TDRD5: variants seen among roughly 807,000 people sequenced by gnomAD.
TDRD5 encodes tudor domain containing 5.
TDRD5 carries 41 observed loss-of-function variants against 120.6 expected under a neutral mutation model. The observed-to-expected ratio is 0.34, with a 90% CI of 0.26 to 0.44. The LOEUF is 0.44. Among genes scored for constraint, TDRD5 ranks in the 20% least tolerant of loss-of-function variants. The probability of loss-of-function intolerance (pLI) is 1.00; values close to 1 mark genes in which losing one functional copy is unlikely to be tolerated. For missense variants in TDRD5, 1,006 were observed against 1,221.2 expected, an observed-to-expected ratio of 0.82 and a Z score of 2.63; for synonymous variants, 430 against 433.7, an observed-to-expected ratio of 0.99 and a Z score of 0.11.
At chr1:179,688,833 G>A (rs946545026) in intron 17 of TDRD5, among the ~76,000 whole-genome samples, 1 of 152,008 alleles carries the variant, frequency 6.6e-6, no homozygotes, top group East Asian at 1.9e-4. Context: ...CCAGTTGATC[G>A]AATCAGCTAC....
At chr1:179,644,013 A>G (rs1009209619) in intron 11 of TDRD5, among the ~76,000 whole-genome samples, 4 of 152,218 alleles carry the variant, frequency 2.6e-5, no homozygotes, top group Non-Finnish European at 5.9e-5. Flanking sequence ...AAGGAACAAC[A>G]TTGAAGTCTG....
chr1:179,623,543 T>C (rs1040121286), intron 6 of TDRD5, among the ~76,000 whole-genome samples: 2 of 152,020 alleles, frequency 1.3e-5, no homozygotes, highest in Non-Finnish European at 2.9e-5. Context: ...TGGTGAATTC[T>C]GTTAAAACAT....
intron 4 of TDRD5, 41 bp from the exon 5 acceptor site, chr1:179,618,558 C>A: frequency 2.0e-6 from 3 of 1,490,798 alleles, no homozygotes; most frequent in South Asian, 2.6e-5. Flanking sequence ...TTTCTTTGGT[C>A]AGGGGGACTG....
intron 4 of TDRD5, among the ~76,000 whole-genome samples, chr1:179,618,207 C>T (rs761105523): frequency 3.9e-5 from 6 of 152,178 alleles, no homozygotes; most frequent in African/African-American, 9.7e-5. Context: ...CGTCCAGGGA[C>T]GTTCCACCAT....
At chr1:179,651,338 C>T (rs925189275) in intron 12 of TDRD5, among the ~76,000 whole-genome samples, 4 of 152,106 alleles carry the variant, frequency 2.6e-5, no homozygotes, top group Non-Finnish European at 2.9e-5. Context: ...GTGGCTGTCA[C>T]CTGTAATCCC....
At chr1:179,681,635 A>G (rs773906320) in intron 17 of TDRD5, among the ~76,000 whole-genome samples, 44 of 152,078 alleles carry the variant, frequency 2.9e-4, no homozygotes, top group Non-Finnish European at 5.1e-4. Flanking sequence ...ATCTGTGGCA[A>G]TTATTCAACT....
In TDRD5 at chr1:179,635,832, C is replaced by A. The variant is rs1234558409; in HGVS notation, c.1465C>A (p.Arg489=). Residue 489 remains arginine, a synonymous_variant, in exon 9 of 18, where the codon CGG becomes AGG. Coordinates refer to ENST00000444136, the MANE Select transcript of TDRD5 (RefSeq NM_001199085.3). ...CATCTCTCCTAGTCAATTCTACATC[C>A]GGATCTATAGCAGGGATTCGTCAGA... ...YIISPSQFYI[R]IYSRDSSELL... is the part of the protein sequence containing the mutation. The A allele has an allele frequency of 6.2e-7, 1 of 1,613,736 alleles. No homozygotes were observed. Among genetic ancestry groups the A allele is most frequent in the East Asian group, 2.2e-5 (1 of 44,878 alleles).
intron 11 of TDRD5, among the ~76,000 whole-genome samples, chr1:179,649,376 C>T (rs933347313): frequency 7.2e-5 from 11 of 152,014 alleles, no homozygotes; most frequent in South Asian, 2.1e-4. Flanking sequence ...AGTGTTAAAA[C>T]TTCTCAGTTT....
At chr1:179,647,334 A>C (rs1678436902) in intron 11 of TDRD5, among the ~76,000 whole-genome samples, 1 of 148,458 alleles carries the variant, frequency 6.7e-6, no homozygotes, top group East Asian at 2.0e-4. Context: ...GAACCTGAGA[A>C]AAACAAGCAA....
intron 17 of TDRD5, among the ~76,000 whole-genome samples, chr1:179,675,273 A>ATTATTTTTTT (rs1444171268): frequency 3.0e-5 from 2 of 66,616 alleles, no homozygotes; most frequent in African/African-American, 1.1e-4. Context: ...TATTATTATT[A>ATTATTTTTTT]TTTTTTTTTT....
At position 179,660,744 on chromosome 1, in the gene TDRD5, G is replaced by A. The variant is rs143224094; in HGVS notation, c.2323-1360G>A. Among the ~76,000 whole-genome samples the A allele has an allele frequency of 2.7e-3, 417 of 152,158 alleles. 3 individuals carry two copies. Among genetic ancestry groups the A allele is most frequent in the African/African-American group, 9.5e-3 (394 of 41,528 alleles). ...AAGAATATTCTTTAAAAGTTCAAGA[G>A]AATAGTTGTTATATATACCCAGATA... On this transcript the variant is annotated intron_variant, in intron 14 of 17. Coordinates refer to ENST00000444136, the MANE Select transcript of TDRD5 (RefSeq NM_001199085.3).
intron 16 of TDRD5, among the ~76,000 whole-genome samples, chr1:179,668,085 A>G (rs1243291743): frequency 1.3e-5 from 2 of 152,200 alleles, no homozygotes; most frequent in Non-Finnish European, 2.9e-5. Flanking sequence ...CCAAAGATCA[A>G]TGCTATTAAA....
At chr1:179,628,266 A>G (rs1677236481) in intron 6 of TDRD5, among the ~76,000 whole-genome samples, 1 of 151,634 alleles carries the variant, frequency 6.6e-6, no homozygotes, top group South Asian at 2.1e-4. Context: ...GGTGGAAGGA[A>G]AGTAAGGAGG....
intron 15 of TDRD5, 90 bp from the exon 16 acceptor site, chr1:179,663,258 G>T (rs1679401530): frequency 2.9e-6 from 4 of 1,402,082 alleles, no homozygotes; most frequent in Non-Finnish European, 3.9e-6. Context: ...AATATGTATT[G>T]CTTTCTTGCA....
intron 11 of TDRD5, among the ~76,000 whole-genome samples, chr1:179,649,365 A>AAGTGTT (rs1678582748): frequency 6.6e-6 from 1 of 151,888 alleles, no homozygotes; most frequent in Non-Finnish European, 1.5e-5. Flanking sequence ...CCATTATTAA[A>AAGTGTT]AGTGTTAAAA....
chr1:179,674,618 C>G (rs549364035), intron 17 of TDRD5, among the ~76,000 whole-genome samples: 1 of 152,158 alleles, frequency 6.6e-6, no homozygotes, highest in East Asian at 1.9e-4. Flanking sequence ...AGGATTGGTA[C>G]CAATTCTTCT....
At chr1:179,635,522 T>G (rs1386595703) in intron 8 of TDRD5, 145 bp from the exon 9 acceptor site, 5 of 763,230 alleles carry the variant, frequency 6.6e-6, no homozygotes, top group Admixed American at 2.9e-5. Context: ...AATCAGTAAG[T>G]CTGGGCTAGA....
At chr1:179,596,681 T>TA (rs1174598076) in intron 4 of TDRD5, among the ~76,000 whole-genome samples, 1 of 152,242 alleles carries the variant, frequency 6.6e-6, no homozygotes, top group African/African-American at 2.4e-5. Flanking sequence ...GTTAGTCCAT[T>TA]ATACAGATAC....
intron 8 of TDRD5, among the ~76,000 whole-genome samples, chr1:179,634,986 A>G (rs991917091): frequency 2.2e-4 from 33 of 152,058 alleles, no homozygotes; most frequent in African/African-American, 7.7e-4. Flanking sequence ...ACTCATCCTC[A>G]ATTATAGGGT....
Sources: gnomAD v4.1 joint callset for allele counts (sites outside exome capture counted in the v4.1 genomes callset) on GRCh38, gnomAD v4.1.1 for gene constraint, MANE v1.5 for transcripts, NCBI Gene and HGNC (gene_info 2026-07-23, HGNC 2026-07-21) for gene names.